Variants in LITAF observed in about 807,000 individuals in gnomAD.
LITAF encodes lipopolysaccharide-induced tumor necrosis factor-alpha factor.
Under a neutral mutation model 14.5 loss-of-function variants are expected in LITAF, and 9 were observed. That is an observed-to-expected ratio of 0.62 (90% CI 0.37 to 1.08). The LOEUF is 1.08. LITAF is among the 50% of genes least tolerant of loss of function. The probability of loss-of-function intolerance (pLI) is 0.01; values close to 1 mark genes in which losing one functional copy is unlikely to be tolerated. For synonymous variants in LITAF, 98 were observed against 88.2 expected (o/e 1.11, Z -0.62); for missense variants, 206 against 213.4 (o/e 0.97, Z 0.22).
chr16:11,559,890 G>A (rs898967081), intron 1 of LITAF, among the ~76,000 whole-genome samples: 1 of 151,658 alleles, frequency 6.6e-6, no homozygotes, highest in Non-Finnish European at 1.5e-5. Flanking sequence ...AGCTACTTGG[G>A]AGGCTGAGGT....
chr16:11,622,103 G>C (rs767011377), intron 3 of LITAF, among the ~76,000 whole-genome samples: 2 of 152,178 alleles, frequency 1.3e-5, no homozygotes, highest in Non-Finnish European at 2.9e-5. Flanking sequence ...GATGAGGGTG[G>C]AGGCAGTGGG....
In LITAF at chr16:11,553,566, G is replaced by A; in HGVS notation, c.344C>T (p.Thr115Ile). Residue 115 changes from threonine to isoleucine, a missense_variant, in exon 3 of 4, where the codon ACC becomes ATC. Transcript: ENST00000622633. This position sits in a 1 kb window ranked among gnomAD's most constrained non-coding sequence, Gnocchi z 7.7. ...SQLSYNAGAL[T>I]WLSCGSLCLL... ...GCACAGGCTCCCGCAGGACAGCCAG[G>A]TCAGAGCACCGGCGTTATAGGACAG... 6.2e-7 allele frequency: 1 copy of A among 1,614,134 alleles called. No individual in the cohort carries two copies. The highest frequency in any genetic ancestry group is 2.2e-5 in the East Asian group (1 of 44,884).
At chr16:11,582,931 A>G (rs538332716) in intron 1 of LITAF, among the ~76,000 whole-genome samples, 1 of 152,334 alleles carries the variant, frequency 6.6e-6, no homozygotes, top group South Asian at 2.1e-4. Flanking sequence ...TAATTCTGCA[A>G]TACGGTTTTT....
chr16:11,613,932 G>C (rs1254389405), intron 3 of LITAF, among the ~76,000 whole-genome samples: 1 of 152,222 alleles, frequency 6.6e-6, no homozygotes, highest in African/African-American at 2.4e-5. Flanking sequence ...TGACAGTTGA[G>C]ATCAACGCCT....
At position 11,547,974 on chromosome 16, in the gene LITAF, A is replaced by G. The variant is rs982226009; in HGVS notation, c.*1663T>C. ...GAAATGCAACATGAGCCCTTTCTTC[A>G]CACCAAAAGAACTCATAAATAGTTC... On this transcript the variant is annotated 3_prime_UTR_variant, in exon 4 of 4. Transcript: ENST00000622633. 2.2e-5 allele frequency: 10 copies of G among 454,004 alleles called. No individual in the cohort carries two copies. Among genetic ancestry groups the G allele is most frequent in the Non-Finnish European group, 3.5e-5 (8 of 226,800 alleles). 28.1% of individuals were successfully genotyped at this position (454,004 alleles called of 1,614,324 possible).
At chr16:11,599,892 C>T (rs2064916832), upstream of LITAF, among the ~76,000 whole-genome samples, 1 of 152,196 alleles carries the variant, frequency 6.6e-6, no homozygotes, top group African/African-American at 2.4e-5. Context: ...TGTGCTCAAA[C>T]ACCACTGACC....
At chr16:11,609,272 C>T (rs931901196) in intron 3 of LITAF, among the ~76,000 whole-genome samples, 2 of 150,476 alleles carry the variant, frequency 1.3e-5, no homozygotes, top group South Asian at 2.1e-4. Flanking sequence ...AGTGCAGTGG[C>T]GAGATCTCAG....
At chr16:11,574,598 T>C (rs12708730) in intron 1 of LITAF, among the ~76,000 whole-genome samples, 117,821 of 152,030 alleles carry the variant, frequency 0.77, 46,210 homozygotes, top group African/African-American at 0.88. Flanking sequence ...GCCTCCATCC[T>C]GGGTCCTTCC....
chr16:11,552,702 C>T (rs2064199466), intron 3 of LITAF, among the ~76,000 whole-genome samples: 1 of 152,166 alleles, frequency 6.6e-6, no homozygotes, highest in South Asian at 2.1e-4. Context: ...ATGACTTGGC[C>T]TCCCAGGGGG....
chr16:11,556,598 T>C lies in LITAF; in HGVS notation c.133A>G (p.Thr45Ala). 1 of 1,614,124 alleles carries C rather than the reference T, an allele frequency of 6.2e-7. No individual in the cohort carries two copies. The highest frequency in any genetic ancestry group is 1.1e-5 in the South Asian group (1 of 91,084). The change falls in exon 2 of 4, where the codon ACG (threonine) becomes GCG (alanine). Residue 45 changes from threonine (T) to alanine (A), a missense_variant. By Grantham distance (58) the Thr-to-Ala change is moderately conservative. Transcript: ENST00000622633. ...CCATCAGGCCCCGTCACAAGCCCCGTAGTTGGCCCAGGCATGGGAGCTGGA... is the reference window on the plus strand; with the variant it reads ...CCATCAGGCCCCGTCACAAGCCCCGCAGTTGGCCCAGGCATGGGAGCTGGA... ...TPPAPMPGPTTGLVTGPDGKG... is the reference protein window; with the variant it reads ...TPPAPMPGPTAGLVTGPDGKG...
intron 1 of LITAF, among the ~76,000 whole-genome samples, chr16:11,571,950 G>A (rs962393704): frequency 1.3e-5 from 2 of 151,890 alleles, no homozygotes; most frequent in Admixed American, 6.6e-5. Flanking sequence ...TTAGCCAGGC[G>A]TGGTGGTGCG....
At position 11,632,762 on chromosome 16, in the gene LITAF, A is replaced by G. The variant is rs535161391; in HGVS notation, c.85+771T>C. The stretch of plus-strand genomic sequence containing the variant: ...AGCGCAGAGTCCAGCCCCCATGCAC[A>G]TGACTATGTGGTGCCCTCAGCCCCC... On this transcript the variant is annotated intron_variant, in intron 3 of 3. Coordinates refer to the LITAF transcript ENST00000574848. The surrounding 1 kb of genome is among the most constrained non-coding windows in gnomAD (Gnocchi z 4.8). Among the ~76,000 whole-genome samples, 1 of 152,276 alleles carries G rather than the reference A, an allele frequency of 6.6e-6. No homozygotes were observed. Among genetic ancestry groups the G allele is most frequent in the Non-Finnish European group, 1.5e-5 (1 of 68,016 alleles).
intron 1 of LITAF, among the ~76,000 whole-genome samples, chr16:11,564,549 C>CT (rs2064421979): frequency 6.6e-6 from 1 of 151,180 alleles, no homozygotes; most frequent in African/African-American, 2.4e-5. Context: ...GTACAGTGTT[C>CT]TAGATAGAAT....
At chr16:11,573,210 G>A (rs2064573516) in intron 1 of LITAF, among the ~76,000 whole-genome samples, 2 of 152,200 alleles carry the variant, frequency 1.3e-5, no homozygotes, top group Non-Finnish European at 2.9e-5. Flanking sequence ...GGTTACAGGA[G>A]TGAGCCACTG....
At chr16:11,631,792 G>A (rs1049649563) in intron 3 of LITAF, among the ~76,000 whole-genome samples, 2 of 151,874 alleles carry the variant, frequency 1.3e-5, no homozygotes, top group Non-Finnish European at 2.9e-5. Flanking sequence ...AATCCAGGAT[G>A]ATCTCATCTC....
At chr16:11,636,578 C>G (rs4533308), upstream of LITAF, among the ~76,000 whole-genome samples, 2,812 of 152,290 alleles carry the variant, frequency 0.018, 94 homozygotes, top group African/African-American at 0.065. Flanking sequence ...CAGATGAGCT[C>G]TCTACCTGGC....
At chr16:11,551,920 C>CTTT in intron 3 of LITAF, 6 of 369,202 alleles carry the variant, frequency 1.6e-5, no homozygotes, top group African/African-American at 4.3e-5. Flanking sequence ...AGGCAATGGA[C>CTTT]TTTTTTTTTT....
chr16:11,596,126 G>A (rs2064883870), intron 1 of LITAF, among the ~76,000 whole-genome samples: 2 of 152,210 alleles, frequency 1.3e-5, no homozygotes, highest in South Asian at 4.1e-4. Flanking sequence ...TGTAATTAAT[G>A]GGTCAACCCT....
chr16:11,574,627 A>T (rs569620711), intron 1 of LITAF, among the ~76,000 whole-genome samples: 1 of 152,098 alleles, frequency 6.6e-6, no homozygotes, highest in South Asian at 2.1e-4. Context: ...GGTAAAGGTG[A>T]TGTCATCACA....
Sources: allele counts gnomAD v4.1 joint callset (sites outside exome capture counted in the v4.1 genomes callset), GRCh38; gene constraint gnomAD v4.1.1; non-coding constraint Gnocchi (gnomAD v3.1); transcripts MANE v1.5; gene names NCBI Gene and HGNC (gene_info 2026-07-23, HGNC 2026-07-21).